STXBP3: variants seen among roughly 807,000 people sequenced by gnomAD.
STXBP3 encodes the protein syntaxin binding protein 3.
In STXBP3, 41 loss-of-function variants were observed where a neutral mutation model predicts 85.7. The observed-to-expected ratio is 0.48, with a 90% CI of 0.37 to 0.62. The LOEUF is 0.62. Ranked by LOEUF, STXBP3 falls within the 20% of genes least tolerant of loss-of-function variation. The probability of loss-of-function intolerance (pLI) is 0.00; values close to 1 mark genes in which losing one functional copy is unlikely to be tolerated. For missense variants in STXBP3, 563 were observed against 703.1 expected, an observed-to-expected ratio of 0.80 and a Z score of 2.25; for synonymous variants, 229 against 231.7, an observed-to-expected ratio of 0.99 and a Z score of 0.10.
intron 6 of STXBP3, among the ~76,000 whole-genome samples, chr1:108,762,921 T>C (rs947828346): frequency 5.3e-5 from 8 of 152,226 alleles, no homozygotes; most frequent in Non-Finnish European, 7.3e-5. Flanking sequence ...AGCTGAAATA[T>C]AGTCAAGGCC....
At chr1:108,782,291 C>A (rs1010509470) in intron 9 of STXBP3, 131 bp from the exon 10 acceptor site, 8 of 645,790 alleles carry the variant, frequency 1.2e-5, no homozygotes, top group Non-Finnish European at 2.1e-5. Flanking sequence ...GTATTCATTA[C>A]CCCCCTAAAA....
In STXBP3 at chr1:108,782,697, A is replaced by G. The variant is rs1662740992; in HGVS notation, c.954A>G (p.Thr318=). 6.2e-7 allele frequency: 1 copy of G among 1,608,108 alleles called. No individual in the cohort carries two copies. The highest frequency in any genetic ancestry group is 8.5e-7 in the Non-Finnish European group (1 of 1,178,254). ...AAATTTCATCAACAAAGAAAGCAAC[A>G]GAAGGAAAGGTAAGAGTCTTACTTA... The part of the protein sequence containing the change: ...MKEISSTKKA[T]EGKTSLSALT... The change falls in exon 11 of 19, where the codon ACA becomes ACG. Residue 318 remains threonine, a synonymous_variant. Transcript: ENST00000370008.
chr1:108,765,838 C>A (rs903313746), intron 6 of STXBP3, among the ~76,000 whole-genome samples: 1 of 145,738 alleles, frequency 6.9e-6, no homozygotes, highest in African/African-American at 2.6e-5. Context: ...TGAGCCACTG[C>A]TCCCGGCATT....
chr1:108,775,710 C>T (rs1556841), intron 7 of STXBP3, among the ~76,000 whole-genome samples: 3,930 of 152,164 alleles, frequency 0.026, 185 homozygotes, highest in African/African-American at 0.089. Flanking sequence ...CCGCCAGTTC[C>T]ATCCATGTTG....
At position 108,794,815 on chromosome 1, in the gene STXBP3, T is replaced by A; in HGVS notation, c.1030-12T>A. On this transcript the variant is annotated splice_polypyrimidine_tract_variant and intron_variant, in intron 12 of 18. Coordinates refer to ENST00000370008, the MANE Select transcript of STXBP3 (RefSeq NM_007269.4). ...AAAATCCTTTAAATGATTGATTTCTTCTGTTTTTCAGCAAGTTGTCCATCT... is the reference window on the plus strand; with the variant it reads ...AAAATCCTTTAAATGATTGATTTCTACTGTTTTTCAGCAAGTTGTCCATCT... 1.2e-6 allele frequency: 2 copies of A among 1,605,994 alleles called. No homozygotes were observed. Among genetic ancestry groups the A allele is most frequent in the Non-Finnish European group, 1.7e-6 (2 of 1,175,152 alleles).
chr1:108,798,082 C>T (rs545513903), intron 15 of STXBP3, 63 bp from the exon 16 acceptor site: 38 of 1,279,688 alleles, frequency 3.0e-5, no homozygotes, highest in Middle Eastern at 2.1e-4. Flanking sequence ...CGTTAGGAAA[C>T]GTAAGAGTAT....
chr1:108,808,535 G>A (rs953579796), intron 18 of STXBP3, among the ~76,000 whole-genome samples: 2 of 152,104 alleles, frequency 1.3e-5, no homozygotes, highest in Admixed American at 6.5e-5. Flanking sequence ...TTATACCAAC[G>A]TATAGCACAA....
intron 7 of STXBP3, among the ~76,000 whole-genome samples, chr1:108,774,179 C>T (rs1662533892): frequency 1.3e-5 from 2 of 152,080 alleles, no homozygotes; most frequent in African/African-American, 4.8e-5. Flanking sequence ...GTTGTGTGTG[C>T]CAGGCAGTTT....
chr1:108,798,027 T>G, intron 15 of STXBP3, 118 bp from the exon 16 acceptor site: 1 of 843,732 alleles, frequency 1.2e-6, no homozygotes, highest in South Asian at 2.1e-5. Flanking sequence ...ACTCTTAGTT[T>G]TAAGTCAAAT....
chr1:108,802,969 T>C (rs952418741), intron 17 of STXBP3, among the ~76,000 whole-genome samples: 3 of 152,250 alleles, frequency 2.0e-5, no homozygotes, highest in Non-Finnish European at 4.4e-5. Context: ...TAGCAACTTA[T>C]TCATCTGTTT....
chr1:108,784,492 T>C (rs6659835), intron 11 of STXBP3, among the ~76,000 whole-genome samples: 57,725 of 152,060 alleles, frequency 0.38, 11,382 homozygotes, highest in Middle Eastern at 0.48. Flanking sequence ...GATTCAGTTA[T>C]CTCTACCTGG....
At chr1:108,762,067 G>A (rs1461881535) in intron 6 of STXBP3, among the ~76,000 whole-genome samples, 1 of 152,214 alleles carries the variant, frequency 6.6e-6, no homozygotes, top group Non-Finnish European at 1.5e-5. Context: ...AAGTGAAAAT[G>A]TAAATGAAAT....
At chr1:108,763,932 A>G (rs1228919689) in intron 6 of STXBP3, among the ~76,000 whole-genome samples, 2 of 152,068 alleles carry the variant, frequency 1.3e-5, no homozygotes, top group Non-Finnish European at 2.9e-5. Context: ...CCAGTTTGTT[A>G]TAGGTAAACT....
At chr1:108,793,011 C>T (rs1057102957) in intron 11 of STXBP3, among the ~76,000 whole-genome samples, 6 of 152,036 alleles carry the variant, frequency 3.9e-5, no homozygotes, top group African/African-American at 1.2e-4. Context: ...TTTACTACAC[C>T]TTTGAGGGTT....
At chr1:108,766,934 C>G (rs550057961) in intron 6 of STXBP3, 7 of 536,262 alleles carry the variant, frequency 1.3e-5, no homozygotes, top group South Asian at 7.1e-5. Context: ...GGGAGGACTT[C>G]AGTGGCACTA....
intron 4 of STXBP3, among the ~76,000 whole-genome samples, chr1:108,758,221 C>A (rs1662060406): frequency 6.6e-6 from 1 of 150,588 alleles, no homozygotes; most frequent in African/African-American, 2.4e-5. Context: ...TTTTCCTAGA[C>A]CTCTTCATTG....
chr1:108,784,111 A>C (rs1188776272), intron 11 of STXBP3, among the ~76,000 whole-genome samples: 1 of 152,128 alleles, frequency 6.6e-6, no homozygotes, highest in African/African-American at 2.4e-5. Flanking sequence ...TTATCAATTT[A>C]TTTCTTTTAT....
chr1:108,786,008 A>G (rs1277986245), intron 11 of STXBP3, among the ~76,000 whole-genome samples: 1 of 151,806 alleles, frequency 6.6e-6, no homozygotes, highest in Non-Finnish European at 1.5e-5. Context: ...AAACTGTTCA[A>G]CCTCTGCCTG....
intron 1 of STXBP3, among the ~76,000 whole-genome samples, chr1:108,748,629 C>T (rs1387957437): frequency 3.3e-5 from 5 of 152,000 alleles, no homozygotes; most frequent in African/African-American, 9.7e-5. Flanking sequence ...CTCAGGAGTT[C>T]GAGACCAGCC....
Sources: gnomAD v4.1 joint callset for allele counts (sites outside exome capture counted in the v4.1 genomes callset) on GRCh38, gnomAD v4.1.1 for gene constraint, MANE v1.5 for transcripts, NCBI Gene and HGNC (gene_info 2026-07-23, HGNC 2026-07-21) for gene names.